Variants in C10orf90 observed in about 807,000 individuals in gnomAD.
The protein encoded by C10orf90 is chromosome 10 open reading frame 90, also known as (E2-independent) E3 ubiquitin-conjugating enzyme FATS.
In C10orf90, 56 loss-of-function variants were observed where a neutral mutation model predicts 62.5. That is an observed-to-expected ratio of 0.90 (90% confidence interval 0.72 to 1.12). C10orf90 has a LOEUF of 1.12. Ranked by LOEUF, C10orf90 falls within the 50% of genes most tolerant of loss-of-function variation. C10orf90 has a pLI of 0.00. For missense variants in C10orf90, 970 were observed against 880.4 expected (o/e 1.10, Z -1.29); for synonymous variants, 386 against 340.4 (o/e 1.13, Z -1.47).
intron 2 of C10orf90, among the ~76,000 whole-genome samples, chr10:126,582,946 G>C (rs1485457557): frequency 5.3e-5 from 8 of 152,208 alleles, no homozygotes; most frequent in Non-Finnish European, 1.2e-4. Context: ...CATTCTGCAG[G>C]AGCATTTCTC....
At chr10:126,494,843 C>A (rs1290899650) in intron 4 of C10orf90, among the ~76,000 whole-genome samples, 1 of 152,228 alleles carries the variant, frequency 6.6e-6, no homozygotes, top group African/African-American at 2.4e-5. Context: ...AGCTTCTAAT[C>A]TTAAGTGACA....
At chr10:126,514,064 A>T (rs1863292771) in intron 2 of C10orf90, 125 bp from the exon 3 acceptor site, 2 of 676,232 alleles carry the variant, frequency 3.0e-6, no homozygotes, top group Middle Eastern at 3.9e-4. Flanking sequence ...TAAATCCAGG[A>T]TAGTCTAACC....
chr10:126,668,654 C>T (rs1005525874), intron 1 of C10orf90, among the ~76,000 whole-genome samples: 1 of 152,100 alleles, frequency 6.6e-6, no homozygotes, highest in African/African-American at 2.4e-5. Context: ...AAACTTGGCC[C>T]GCCCTAGAGC....
chr10:126,611,152 C>T (rs546517435), intron 2 of C10orf90, among the ~76,000 whole-genome samples: 2 of 152,254 alleles, frequency 1.3e-5, no homozygotes, highest in African/African-American at 4.8e-5. Flanking sequence ...CTCCCTATCC[C>T]CCTCAGCCAC....
At chr10:126,588,434 C>A (rs1054437687) in intron 2 of C10orf90, among the ~76,000 whole-genome samples, 7 of 152,096 alleles carry the variant, frequency 4.6e-5, no homozygotes, top group African/African-American at 1.7e-4. Context: ...GTGTTCCAGC[C>A]GGCATCAGAT....
At chr10:126,435,493 T>C (rs1352688934) in intron 7 of C10orf90, among the ~76,000 whole-genome samples, 1 of 151,898 alleles carries the variant, frequency 6.6e-6, no homozygotes, top group Non-Finnish European at 1.5e-5. Context: ...TCATAAAGGG[T>C]CTGCACCCTT....
intron 2 of C10orf90, among the ~76,000 whole-genome samples, chr10:126,609,091 G>A (rs1845376144): frequency 6.6e-6 from 1 of 152,186 alleles, no homozygotes; most frequent in Non-Finnish European, 1.5e-5. Flanking sequence ...GTTGTAAAAG[G>A]AGGTAATATG....
intron 2 of C10orf90, among the ~76,000 whole-genome samples, chr10:126,552,066 G>T (rs1864645988): frequency 6.6e-6 from 1 of 152,128 alleles, no homozygotes; most frequent in Admixed American, 6.5e-5. Flanking sequence ...TGCCAGTGGG[G>T]GTGGAGAAAC....
chr10:126,559,781 T>TA (rs780199138), intron 2 of C10orf90, among the ~76,000 whole-genome samples: 5 of 152,240 alleles, frequency 3.3e-5, no homozygotes, highest in Non-Finnish European at 4.4e-5. Flanking sequence ...ATACTTTATA[T>TA]AACAGCTTAT....
intron 4 of C10orf90, among the ~76,000 whole-genome samples, chr10:126,474,129 C>T (rs1229140912): frequency 6.6e-6 from 1 of 152,132 alleles, no homozygotes; most frequent in Non-Finnish European, 1.5e-5. Flanking sequence ...TAACCAGTTC[C>T]CAAGTGGTTC....
intron 2 of C10orf90, among the ~76,000 whole-genome samples, chr10:126,612,278 AC>A (rs1321470927): frequency 1.3e-5 from 2 of 152,166 alleles, no homozygotes; most frequent in African/African-American, 4.8e-5. Flanking sequence ...CCGAGATCAC[AC>A]CACCACACTC....
chr10:126,640,831 T>C (rs922772059), intron 2 of C10orf90, among the ~76,000 whole-genome samples: 1 of 152,218 alleles, frequency 6.6e-6, no homozygotes, highest in African/African-American at 2.4e-5. Flanking sequence ...AGGCACTAAA[T>C]GCTATGCCAA....
chr10:126,539,026 T>A (rs900713573), intron 2 of C10orf90, among the ~76,000 whole-genome samples: 1 of 152,126 alleles, frequency 6.6e-6, no homozygotes, highest in South Asian at 2.1e-4. Flanking sequence ...TGGAGCAAAA[T>A]TAGCTTTGAA....
At chr10:126,429,726 GC>G (rs1482588813) in intron 8 of C10orf90, 60 bp downstream of exon 8, 1 of 1,409,732 alleles carries the variant, frequency 7.1e-7, no homozygotes, top group African/African-American at 1.4e-5. Context: ...GGCACCTGAA[GC>G]CATCAAACCA....
At chr10:126,443,850 G>A (rs534833180) in intron 7 of C10orf90, among the ~76,000 whole-genome samples, 6 of 152,168 alleles carry the variant, frequency 3.9e-5, no homozygotes, top group African/African-American at 9.6e-5. Flanking sequence ...TCACAACAGG[G>A]ATGCAGGGAT....
At chr10:126,443,422 T>A (rs1351631420) in intron 7 of C10orf90, among the ~76,000 whole-genome samples, 1 of 152,078 alleles carries the variant, frequency 6.6e-6, no homozygotes, top group South Asian at 2.1e-4. Context: ...ACAGAAGAGA[T>A]GGATAAATTC....
intron 2 of C10orf90, among the ~76,000 whole-genome samples, chr10:126,612,750 T>G (rs1487248510): frequency 6.6e-6 from 1 of 152,226 alleles, no homozygotes; most frequent in Non-Finnish European, 1.5e-5. Flanking sequence ...ATGAGAAATA[T>G]TAAATATCTA....
intron 2 of C10orf90, among the ~76,000 whole-genome samples, chr10:126,540,379 C>T (rs528658312): frequency 4.7e-4 from 71 of 152,272 alleles, no homozygotes; most frequent in African/African-American, 1.6e-3. Flanking sequence ...TAACCAAAGG[C>T]TGGGTGCAGT....
chr10:126,521,409 T>C, intron 2 of C10orf90: 3 of 1,600,116 alleles, frequency 1.9e-6, no homozygotes, highest in Non-Finnish European at 2.6e-6. Context: ...GAAAAAAATG[T>C]CCGGAGTTTA....
Sources: allele counts gnomAD v4.1 joint callset (sites outside exome capture counted in the v4.1 genomes callset), GRCh38; gene constraint gnomAD v4.1.1; transcripts MANE v1.5; gene names NCBI Gene and HGNC (gene_info 2026-07-23, HGNC 2026-07-21).